The following ABI3BP variants were observed in gnomAD, a reference collection of about 807,000 sequenced individuals.
The protein encoded by ABI3BP is ABI family member 3 binding protein, also known as target of Nesh-SH3.
In ABI3BP, 216 loss-of-function variants were observed where a neutral mutation model predicts 268.6. That is an observed-to-expected ratio of 0.80 (90% CI 0.72 to 0.90). ABI3BP has a LOEUF of 0.90. ABI3BP is among the 40% of genes least tolerant of loss of function. The pLI is 0.00. For missense variants in ABI3BP, 2,090 were observed against 2,182.4 expected, an observed-to-expected ratio of 0.96 and a Z score of 0.84; for synonymous variants, 730 against 730.0, an observed-to-expected ratio of 1.00 and a Z score of 0.00.
chr3:100,926,426 C>A lies in ABI3BP; in HGVS notation c.135G>T (p.Leu45Phe), dbSNP rs770151726. Reference sequence around the variant, plus strand: ...CATTTGGACTTGGACGCAAGAACTTCAAGAGGATGGAGTCACTTGTGGTAT... The same window carrying A: ...CATTTGGACTTGGACGCAAGAACTTAAAGAGGATGGAGTCACTTGTGGTAT... ...HINTTSDSIL[L>F]KFLRPSPNVK... Residue 45 changes from leucine (L) to phenylalanine (F), a missense_variant, in exon 2 of 68, where the codon TTG becomes TTT. Physicochemically the swap from Leu to Phe is conservative, Grantham distance 22. Transcript: ENST00000471714. The A allele has an allele frequency of 1.2e-6, 2 of 1,613,420 alleles. No homozygotes were observed. Among genetic ancestry groups the A allele is most frequent in the Admixed American group, 3.3e-5 (2 of 59,920 alleles).
chr3:100,804,575 G>A (rs6801050), intron 51 of ABI3BP, among the ~76,000 whole-genome samples: 16 of 152,088 alleles, frequency 1.1e-4, no homozygotes, highest in African/African-American at 3.6e-4. Context: ...TTCTACCCTT[G>A]GCATAATTCT....
chr3:100,850,251 G>A, intron 16 of ABI3BP, 132 bp from the exon 17 acceptor site: 1 of 775,184 alleles, frequency 1.3e-6, no homozygotes, highest in South Asian at 1.8e-5. Flanking sequence ...AATGCATGTA[G>A]TCTTGAAAGC....
At chr3:100,827,184 G>A (rs1052243682) in intron 34 of ABI3BP, among the ~76,000 whole-genome samples, 4 of 152,030 alleles carry the variant, frequency 2.6e-5, no homozygotes. Context: ...AAAACACCCT[G>A]GCTTATTCTC....
chr3:100,959,961 T>TAAA (rs1209583417), intron 1 of ABI3BP, among the ~76,000 whole-genome samples: 2 of 152,088 alleles, frequency 1.3e-5, no homozygotes, highest in African/African-American at 4.8e-5. Context: ...TCAGTTTTTT[T>TAAA]AAAAAAAATT....
At chr3:100,985,300 C>A (rs1421574108) in intron 1 of ABI3BP, among the ~76,000 whole-genome samples, 4 of 151,812 alleles carry the variant, frequency 2.6e-5, no homozygotes, top group Admixed American at 2.0e-4. Context: ...TGGGCACGTG[C>A]CACCATGCCC....
chr3:100,936,388 T>C (rs551775406), intron 1 of ABI3BP, among the ~76,000 whole-genome samples: 2 of 152,198 alleles, frequency 1.3e-5, no homozygotes, highest in South Asian at 2.1e-4. Context: ...CAGTATTTTA[T>C]TGAGGATTTT....
At chr3:100,865,353 G>T (rs1053710694) in intron 10 of ABI3BP, among the ~76,000 whole-genome samples, 2 of 152,152 alleles carry the variant, frequency 1.3e-5, no homozygotes, top group African/African-American at 4.8e-5. Flanking sequence ...TGGGCTAAAA[G>T]TCTTACTTAG....
intron 2 of ABI3BP, among the ~76,000 whole-genome samples, chr3:100,921,840 G>C (rs1476339923): frequency 2.6e-5 from 4 of 152,328 alleles, no homozygotes; most frequent in Admixed American, 2.0e-4. Context: ...TGATTATTTA[G>C]TGGAAGTCCT....
In ABI3BP at chr3:100,749,678, A is replaced by AGACTT. The variant is rs1254751931; in HGVS notation, c.*812_*816dup. On this transcript the variant is annotated 3_prime_UTR_variant, in exon 68 of 68. Transcript: ENST00000471714. ...CATCGTGCATTATCTTTTTGTGCTC[A>AGACTT]GACTTGACTTCACATTCAGTCTCTA... 39 of 398,604 alleles carry AGACTT rather than the reference A, an allele frequency of 9.8e-5. No homozygotes were observed. The highest frequency in any genetic ancestry group is 5.3e-4 in the Admixed American group (12 of 22,722). 24.7% of individuals were successfully genotyped at this position (398,604 alleles called of 1,614,324 possible).
intron 4 of ABI3BP, among the ~76,000 whole-genome samples, chr3:100,894,964 A>T (rs1420106738): frequency 1.4e-5 from 2 of 144,126 alleles, no homozygotes; most frequent in East Asian, 3.9e-4. Context: ...AAAAAAAAAA[A>T]AAACAGAAAA....
At chr3:100,837,332 T>G (rs1347673743) in intron 26 of ABI3BP, 161 bp from the exon 27 acceptor site, 2 of 490,186 alleles carry the variant, frequency 4.1e-6, no homozygotes, top group Admixed American at 8.1e-5. Flanking sequence ...AGATGCTTCT[T>G]AGCAAATTAA....
intron 10 of ABI3BP, among the ~76,000 whole-genome samples, chr3:100,865,383 T>A (rs996528169): frequency 6.6e-6 from 1 of 152,206 alleles, no homozygotes; most frequent in African/African-American, 2.4e-5. Context: ...ATTATAAGAC[T>A]TCTCTCTTAC....
chr3:100,834,371 G>A (rs536339979), intron 29 of ABI3BP, among the ~76,000 whole-genome samples: 171 of 152,210 alleles, frequency 1.1e-3, no homozygotes, highest in African/African-American at 3.7e-3. Context: ...TTCAAAATGT[G>A]TGACAGGTTG....
chr3:100,938,926 T>C (rs2067538444), intron 1 of ABI3BP, among the ~76,000 whole-genome samples: 1 of 151,984 alleles, frequency 6.6e-6, no homozygotes, highest in Non-Finnish European at 1.5e-5. Flanking sequence ...TGGACGTTGT[T>C]GGGGGGGCAT....
At chr3:100,846,221 T>C in intron 20 of ABI3BP, 151 bp downstream of exon 20, 1 of 597,932 alleles carries the variant, frequency 1.7e-6, no homozygotes, top group Non-Finnish European at 3.0e-6. Flanking sequence ...TGGCTATTTA[T>C]GATTAGATCA....
At chr3:100,804,279 C>G (rs2097630303) in intron 51 of ABI3BP, among the ~76,000 whole-genome samples, 1 of 152,020 alleles carries the variant, frequency 6.6e-6, no homozygotes, top group Admixed American at 6.6e-5. Context: ...CTAAAGAAAC[C>G]ATTGTGTGTG....
intron 1 of ABI3BP, among the ~76,000 whole-genome samples, chr3:100,970,466 T>TTTCCAGTTGCAGAATAATGTGACGTAC (rs2083124489): frequency 6.6e-6 from 1 of 152,166 alleles, no homozygotes; most frequent in Non-Finnish European, 1.5e-5. Flanking sequence ...ATGTGACGTA[T>TTTCCAGTTGCAGAATAATGTGACGTAC]AGAGACATAT....
chr3:100,864,805 T>C lies in ABI3BP; in HGVS notation c.1063+28A>G, dbSNP rs138299877. ...TATTTCGTTGTTACTTTTGTTTTTT[T>C]AGAAAAAAAAAAAGTTCTTAGAATT... On this transcript the variant is annotated intron_variant, in intron 11 of 67. Coordinates refer to ENST00000471714, the MANE Select transcript of ABI3BP (RefSeq NM_001375547.2). 12 of 1,521,716 alleles carry C rather than the reference T, an allele frequency of 7.9e-6. No individual in the cohort carries two copies. The East Asian group carries it at 2.5e-4, about 32-fold the overall frequency. 94.3% of individuals were successfully genotyped at this position (1,521,716 alleles called of 1,614,324 possible).
chr3:100,927,635 A>T (rs374598198), intron 1 of ABI3BP, among the ~76,000 whole-genome samples: 1 of 152,130 alleles, frequency 6.6e-6, no homozygotes, highest in Non-Finnish European at 1.5e-5. Context: ...GAAGAGAAAG[A>T]GGAAGGTGCC....
Sources: gnomAD v4.1 joint callset for allele counts (sites outside exome capture counted in the v4.1 genomes callset) on GRCh38, gnomAD v4.1.1 for gene constraint, MANE v1.5 for transcripts, NCBI Gene and HGNC (gene_info 2026-07-23, HGNC 2026-07-21) for gene names.